The following SNTG1 variants were observed in gnomAD, a reference collection of about 807,000 sequenced individuals.
SNTG1 encodes the protein gamma-1-syntrophin.
Under a neutral mutation model 74.7 loss-of-function variants are expected in SNTG1, and 39 were observed. That is an observed-to-expected ratio of 0.52 (90% CI 0.40 to 0.68). The LOEUF is 0.68. SNTG1 is among the 30% of genes least tolerant of loss of function. The pLI is 0.00. For synonymous variants in SNTG1, 254 were observed against 217.1 expected, an observed-to-expected ratio of 1.17 and a Z score of -1.49; for missense variants, 685 against 609.5, an observed-to-expected ratio of 1.12 and a Z score of -1.30.
intron 8 of SNTG1, among the ~76,000 whole-genome samples, chr8:50,483,255 C>G (rs1202032904): frequency 6.6e-6 from 1 of 151,972 alleles, no homozygotes. Flanking sequence ...CATAGCAGAC[C>G]TCTCTGAAGG....
chr8:50,690,668 C>G (rs2095373889), intron 15 of SNTG1, among the ~76,000 whole-genome samples: 2 of 152,102 alleles, frequency 1.3e-5, no homozygotes, highest in African/African-American at 4.8e-5. Context: ...TTACTTCCAA[C>G]TATGTGGTCA....
intron 13 of SNTG1, among the ~76,000 whole-genome samples, chr8:50,623,813 T>A (rs1409329264): frequency 2.0e-5 from 3 of 151,984 alleles, no homozygotes; most frequent in Non-Finnish European, 4.4e-5. Flanking sequence ...CTTTTAAAAA[T>A]CATGGATTTG....
At chr8:50,700,613 C>A (rs2095420167) in intron 15 of SNTG1, among the ~76,000 whole-genome samples, 1 of 152,108 alleles carries the variant, frequency 6.6e-6, no homozygotes, top group Non-Finnish European at 1.5e-5. Flanking sequence ...CAGGCTTGCA[C>A]CAGGTTGCTC....
At chr8:50,736,123 A>G (rs1471921699) in intron 17 of SNTG1, among the ~76,000 whole-genome samples, 1 of 152,114 alleles carries the variant, frequency 6.6e-6, no homozygotes, top group Non-Finnish European at 1.5e-5. Flanking sequence ...TGAAGGAAGT[A>G]CTAAATATGG....
intron 8 of SNTG1, among the ~76,000 whole-genome samples, chr8:50,498,189 T>A (rs1323474286): frequency 6.6e-6 from 1 of 151,930 alleles, no homozygotes; most frequent in Non-Finnish European, 1.5e-5. Context: ...TGCTAAATTA[T>A]TTTCCAAAAT....
chr8:49,910,126 C>T (rs898544764), upstream of SNTG1, among the ~76,000 whole-genome samples: 4 of 152,212 alleles, frequency 2.6e-5, no homozygotes, highest in Non-Finnish European at 5.9e-5. Flanking sequence ...GCGCTCTAAT[C>T]CTTGATGGAA....
chr8:50,736,039 A>G (rs768521339), intron 17 of SNTG1, among the ~76,000 whole-genome samples: 2 of 152,044 alleles, frequency 1.3e-5, no homozygotes, highest in Non-Finnish European at 2.9e-5. Context: ...TACCCAAAGG[A>G]GAAATAAAAT....
intron 15 of SNTG1, among the ~76,000 whole-genome samples, chr8:50,696,309 G>A (rs1319313782): frequency 1.3e-5 from 2 of 151,898 alleles, no homozygotes; most frequent in African/African-American, 2.4e-5. Context: ...ACTTTTTAAT[G>A]GGGTTATTTG....
At chr8:50,343,434 T>A (rs1587229716) in intron 2 of SNTG1, among the ~76,000 whole-genome samples, 2 of 152,198 alleles carry the variant, frequency 1.3e-5, no homozygotes, top group East Asian at 3.8e-4. Flanking sequence ...AATCAGTTAG[T>A]GTCATAGATA....
intron 1 of SNTG1, among the ~76,000 whole-genome samples, chr8:49,938,247 A>G (rs1405255366): frequency 2.6e-5 from 4 of 152,204 alleles, no homozygotes; most frequent in Non-Finnish European, 5.9e-5. Flanking sequence ...CGAATCTCAT[A>G]TATGATCATT....
intron 1 of SNTG1, among the ~76,000 whole-genome samples, chr8:50,092,996 G>A (rs1050651957): frequency 2.0e-5 from 3 of 152,190 alleles, no homozygotes; most frequent in Admixed American, 6.5e-5. Flanking sequence ...AGTGGATCTC[G>A]TTGAAGGAGA....
rs192603175 is a variant in SNTG1 at position 50,678,353 on chromosome 8, G to C, written c.1038+19690G>C. Among the ~76,000 whole-genome samples, 10 of 152,034 alleles carry C rather than the reference G, an allele frequency of 6.6e-5. No homozygotes were observed. In the East Asian group the frequency reaches 1.9e-3, roughly 30 times the overall value. On this transcript the variant is annotated intron_variant, in intron 15 of 18. Transcript: ENST00000642720. Reference sequence around the variant, plus strand: ...TAGAGAAAGTGAAGATTACAGATATGCTCAGCAGTAACTGCTGAAATCCAT... The same window carrying C: ...TAGAGAAAGTGAAGATTACAGATATCCTCAGCAGTAACTGCTGAAATCCAT...
intron 1 of SNTG1, among the ~76,000 whole-genome samples, chr8:50,007,951 G>A (rs1220507465): frequency 6.6e-6 from 1 of 151,996 alleles, no homozygotes; most frequent in African/African-American, 2.4e-5. Flanking sequence ...AGCAAAGGGG[G>A]AACTGCAACA....
At chr8:50,242,961 A>C (rs1187232934) in intron 2 of SNTG1, among the ~76,000 whole-genome samples, 1 of 152,088 alleles carries the variant, frequency 6.6e-6, no homozygotes, top group Non-Finnish European at 1.5e-5. Context: ...GGACTTACAG[A>C]GCATGTCTGT....
intron 15 of SNTG1, among the ~76,000 whole-genome samples, chr8:50,673,909 G>A (rs2095297512): frequency 6.6e-6 from 1 of 152,052 alleles, no homozygotes. Flanking sequence ...TTTATCAAAG[G>A]CCTTCTCTGC....
chr8:50,264,307 T>G (rs1437538405), intron 2 of SNTG1, among the ~76,000 whole-genome samples: 1 of 152,068 alleles, frequency 6.6e-6, no homozygotes, highest in East Asian at 1.9e-4. Flanking sequence ...GTGGCTGATG[T>G]CTGTAATCTC....
rs188357160 is a variant in SNTG1 at position 50,736,250 on chromosome 8, G to A, written c.1285-15751G>A. 9.1e-4 allele frequency among the ~76,000 whole-genome samples: 138 copies of A among 151,700 alleles called. 2 individuals carry two copies. Among genetic ancestry groups the A allele is most frequent in the Middle Eastern group, 6.8e-3 (2 of 294 alleles). ...ATAACCAGCTAGCATCATAATGACA[G>A]GCTCAAATTCACACCTAACAATATA... On this transcript the variant is annotated intron_variant, in intron 17 of 18. Transcript: ENST00000642720.
chr8:50,768,519 G>A (rs1450781978), intron 18 of SNTG1, among the ~76,000 whole-genome samples: 2 of 152,036 alleles, frequency 1.3e-5, no homozygotes, highest in African/African-American at 4.8e-5. Flanking sequence ...TATAAATAAG[G>A]TCTTTTAATA....
intron 1 of SNTG1, among the ~76,000 whole-genome samples, chr8:50,022,718 G>T (rs747811326): frequency 1.1e-4 from 16 of 152,168 alleles, no homozygotes; most frequent in Non-Finnish European, 2.4e-4. Context: ...GCACTGAGCT[G>T]CCAGAGCATA....
Sources: allele counts gnomAD v4.1 joint callset (sites outside exome capture counted in the v4.1 genomes callset), GRCh38; gene constraint gnomAD v4.1.1; transcripts MANE v1.5; gene names NCBI Gene and HGNC (gene_info 2026-07-23, HGNC 2026-07-21).